The following COL5A2 variants were observed in gnomAD, a reference collection of about 807,000 sequenced individuals.
COL5A2 encodes the protein collagen type V alpha 2 chain, also known as collagen alpha-2(V) chain.
In COL5A2, 23 loss-of-function variants were observed where a neutral mutation model predicts 208.2. The ratio of observed to expected loss-of-function variants is 0.11; its 90% CI spans 0.08 to 0.16. The LOEUF (loss-of-function observed/expected upper bound fraction) is 0.16. Ranked by LOEUF, COL5A2 falls within the 10% of genes least tolerant of loss-of-function variation. The pLI, the probability that COL5A2 is intolerant of heterozygous loss-of-function variation, is 1.00. For missense variants in COL5A2, 1,590 were observed against 1,956.4 expected (o/e 0.81, Z 3.53); for synonymous variants, 625 against 628.5 (o/e 0.99, Z 0.08).
the COL5A2 span, among the ~76,000 whole-genome samples, chr2:189,423,023 CAAAAAAAA>C: frequency 1.8e-5 from 2 of 112,850 alleles, no homozygotes; most frequent in African/African-American, 3.4e-5. Context: ...AACTCTGTCT[CAAAAAAAA>C]AAAAAAAAAG....
chr2:189,361,304 A>T, the COL5A2 span, among the ~76,000 whole-genome samples: 1 of 152,120 alleles, frequency 6.6e-6, no homozygotes, highest in African/African-American at 2.4e-5. Context: ...TTGGGTGCAT[A>T]TATATTTATG....
the COL5A2 span, among the ~76,000 whole-genome samples, chr2:189,305,531 A>C: frequency 6.6e-6 from 1 of 152,178 alleles, no homozygotes; most frequent in African/African-American, 2.4e-5. Flanking sequence ...CAGATACCAA[A>C]CCTGACAGCA....
the COL5A2 span, among the ~76,000 whole-genome samples, chr2:189,432,160 C>T: frequency 2.6e-5 from 4 of 152,154 alleles, no homozygotes; most frequent in African/African-American, 7.2e-5. Context: ...GAGATTCTGT[C>T]ACCACCAGGC....
the COL5A2 span, among the ~76,000 whole-genome samples, chr2:189,405,153 T>C: frequency 6.6e-6 from 1 of 152,142 alleles, no homozygotes; most frequent in African/African-American, 2.4e-5. Context: ...ACTGGAAAAA[T>C]ATTAGGATTA....
rs1264366518 is a variant in COL5A2, at chr2:189,045,052, T to C, written c.3363+127A>G. 3 of 548,454 alleles carry C rather than the reference T, an allele frequency of 5.5e-6. No individual in the cohort carries two copies. In the East Asian group the frequency reaches 9.6e-5, roughly 18 times the overall value. The allele number at this position is 548,454 out of a possible 1,614,324, so 34.0% of individuals were successfully genotyped here. A position where few individuals can be genotyped will look rare whatever the true frequency, so the allele number is the denominator to read the frequency against. ...AAAATAAGAGTAAACTTATAATTTT[T>C]AATTAATATTTTTGTTCAAGCTTGA... On this transcript the variant is annotated intron_variant, in intron 47 of 53. Coordinates refer to ENST00000374866, the MANE Select transcript of COL5A2 (RefSeq NM_000393.5).
At chr2:189,084,198 T>A (rs184036137) in intron 11 of COL5A2, among the ~76,000 whole-genome samples, 161 bp from the exon 12 acceptor site, 27 of 152,322 alleles carry the variant, frequency 1.8e-4, no homozygotes, top group Non-Finnish European at 3.4e-4. Flanking sequence ...ATAGGCTCTA[T>A]TCCTTATATT....
chr2:189,063,758 G>A (rs1270361752), intron 26 of COL5A2, among the ~76,000 whole-genome samples: 1 of 152,240 alleles, frequency 6.6e-6, no homozygotes, highest in South Asian at 2.1e-4. Flanking sequence ...ATGTCAGGCA[G>A]GGAAGCAATT....
At chr2:189,327,724 A>G in the COL5A2 span, among the ~76,000 whole-genome samples, 2 of 152,248 alleles carry the variant, frequency 1.3e-5, no homozygotes, top group Non-Finnish European at 2.9e-5. Context: ...AAATAACCAT[A>G]TAACTAAACA....
chr2:189,290,732 AC>A, the COL5A2 span, among the ~76,000 whole-genome samples: 1 of 151,388 alleles, frequency 6.6e-6, no homozygotes. Context: ...ACACACACAC[AC>A]ACACACACAC....
At chr2:189,319,442 C>T in the COL5A2 span, among the ~76,000 whole-genome samples, 1 of 152,236 alleles carries the variant, frequency 6.6e-6, no homozygotes, top group Admixed American at 6.5e-5. Context: ...CAGACTGCAC[C>T]TGGAAAATCA....
chr2:189,172,279 G>T (rs1188657325), intron 1 of COL5A2, among the ~76,000 whole-genome samples: 1 of 152,180 alleles, frequency 6.6e-6, no homozygotes, highest in Non-Finnish European at 1.5e-5. Flanking sequence ...GAGCATGACT[G>T]ATGGAACAAG....
the COL5A2 span, among the ~76,000 whole-genome samples, chr2:189,387,241 A>G: frequency 6.6e-5 from 10 of 152,272 alleles, no homozygotes; most frequent in East Asian, 1.9e-3. Flanking sequence ...AAATGTTCTC[A>G]TTTACAAGTG....
In COL5A2 at chr2:189,034,959, C is replaced by T; in HGVS notation, c.4310G>A (p.Gly1437Glu). The change falls in exon 53 of 54, where the codon GGA becomes GAA. Residue 1437 changes from glycine to glutamate, a missense_variant. Coordinates refer to ENST00000374866, the MANE Select transcript of COL5A2 (RefSeq NM_000393.5). Reference protein sequence around the residue: ...GANDLDIKAEGNIRFRYIVLQ... With the variant: ...GANDLDIKAEENIRFRYIVLQ... The stretch of plus-strand genomic sequence containing the variant: ...AACGATATACCGGAATCTAATATTT[C>T]CCTCTGCTTTGATATCTAAGTCATT... 1.9e-6 allele frequency: 3 copies of T among 1,613,860 alleles called. No homozygotes were observed. Among genetic ancestry groups the T allele is most frequent in the Non-Finnish European group, 2.5e-6 (3 of 1,179,854 alleles).
chr2:189,288,290 G>A, the COL5A2 span, among the ~76,000 whole-genome samples: 3,323 of 152,252 alleles, frequency 0.022, 53 homozygotes, highest in Non-Finnish European at 0.036. Flanking sequence ...CATTATAAAG[G>A]TATTAGGGGT....
chr2:189,311,361 T>C, the COL5A2 span: 5 of 959,278 alleles, frequency 5.2e-6, no homozygotes, highest in Non-Finnish European at 8.3e-6. Flanking sequence ...GAGTTGCTGC[T>C]GTCCAGGGCA....
chr2:189,364,481 G>A, the COL5A2 span, among the ~76,000 whole-genome samples: 5,549 of 152,266 alleles, frequency 0.036, 118 homozygotes, highest in Admixed American at 0.05. Flanking sequence ...GAGGACAGGA[G>A]TTCAAAACCA....
At chr2:189,401,060 C>T in the COL5A2 span, among the ~76,000 whole-genome samples, 1 of 108,886 alleles carries the variant, frequency 9.2e-6, no homozygotes, top group Admixed American at 9.3e-5. Context: ...TTTCTTATTT[C>T]CAACTTTTAT....
chr2:189,082,955 A>G, intron 12 of COL5A2, among the ~76,000 whole-genome samples: 1 of 152,148 alleles, frequency 6.6e-6, no homozygotes, highest in East Asian at 1.9e-4. Context: ...ATTTGCAACC[A>G]AATAATCCTT....
chr2:189,035,281 TG>T, intron 52 of COL5A2, 126 bp from the exon 53 acceptor site: 2 of 1,241,620 alleles, frequency 1.6e-6, no homozygotes, highest in Admixed American at 2.0e-5. Flanking sequence ...CTTTAATTCT[TG>T]TCATAAAGTA....
Sources: allele counts gnomAD v4.1 joint callset (sites outside exome capture counted in the v4.1 genomes callset), GRCh38; gene constraint gnomAD v4.1.1; transcripts MANE v1.5; gene names NCBI Gene and HGNC (gene_info 2026-07-23, HGNC 2026-07-21).